Variants in PAG1 observed in about 807,000 individuals in gnomAD.
PAG1 encodes the protein phosphoprotein associated with glycosphingolipid-enriched microdomains 1.
PAG1 carries 23 observed loss-of-function variants against 31.7 expected under a neutral mutation model. That is an observed-to-expected ratio of 0.73 (90% CI 0.52 to 1.03). PAG1 has a LOEUF of 1.03. Ranked by LOEUF, PAG1 falls within the 50% of genes least tolerant of loss-of-function variation. The pLI is 0.00. For synonymous variants in PAG1, 214 were observed against 210.3 expected, an observed-to-expected ratio of 1.02 and a Z score of -0.15; for missense variants, 473 against 540.7, an observed-to-expected ratio of 0.87 and a Z score of 1.24.
chr8:81,072,828 G>C (rs1809116582), intron 1 of PAG1, among the ~76,000 whole-genome samples: 1 of 152,152 alleles, frequency 6.6e-6, no homozygotes, highest in African/African-American at 2.4e-5. Flanking sequence ...CATGTAAAAA[G>C]CACCTGTTGT....
intron 3 of PAG1, among the ~76,000 whole-genome samples, chr8:81,023,869 A>G (rs1808229299): frequency 6.6e-6 from 1 of 152,222 alleles, no homozygotes; most frequent in African/African-American, 2.4e-5. Flanking sequence ...CATTATCTAC[A>G]CCATGAAAAG....
intron 3 of PAG1, among the ~76,000 whole-genome samples, chr8:81,007,409 T>C (rs1327330349): frequency 2.7e-5 from 4 of 150,244 alleles, no homozygotes; most frequent in Non-Finnish European, 5.9e-5. Flanking sequence ...AGGTCAGGGG[T>C]TCGAGACCAG....
chr8:81,100,223 G>A (rs1397583717), intron 1 of PAG1, among the ~76,000 whole-genome samples: 1 of 152,168 alleles, frequency 6.6e-6, no homozygotes, highest in Non-Finnish European at 1.5e-5. Flanking sequence ...CAAAGACAGG[G>A]TATACCCCTG....
intron 3 of PAG1, among the ~76,000 whole-genome samples, chr8:81,001,666 A>G (rs1807786896): frequency 6.6e-6 from 1 of 152,164 alleles, no homozygotes; most frequent in African/African-American, 2.4e-5. Flanking sequence ...TCTGCCAGCT[A>G]CTTTACTGTG....
chr8:81,033,041 G>A (rs1201266187), intron 2 of PAG1, among the ~76,000 whole-genome samples: 1 of 152,168 alleles, frequency 6.6e-6, no homozygotes, highest in Non-Finnish European at 1.5e-5. Context: ...GTAGATTTGT[G>A]TTCCTTAGGG....
intron 2 of PAG1, among the ~76,000 whole-genome samples, chr8:81,050,500 A>G (rs1808710843): frequency 6.6e-6 from 1 of 152,192 alleles, no homozygotes; most frequent in South Asian, 2.1e-4. Context: ...CCACAATTTT[A>G]GTATAAAGTT....
chr8:80,987,197 G>A (rs772728609), intron 6 of PAG1, among the ~76,000 whole-genome samples, 173 bp downstream of exon 6: 9 of 152,200 alleles, frequency 5.9e-5, no homozygotes, highest in Non-Finnish European at 1.0e-4. Flanking sequence ...GCACACAGAA[G>A]TGGATTAATA....
rs568197228 is a variant in PAG1 at position 81,059,266 on chromosome 8, C to G, written c.-175+10846G>C. ...AGTTTGTACACATTCAGTACAGAGG[C>G]AAACATTCTTTTTTTTTTTTTCTTT... is the stretch of plus-strand genomic sequence containing the variant. On this transcript the variant is annotated intron_variant, in intron 2 of 8. Coordinates refer to ENST00000220597, the MANE Select transcript of PAG1 (RefSeq NM_018440.4). Among the ~76,000 whole-genome samples the G allele has an allele frequency of 9.4e-5, 12 of 128,140 alleles. No individual in the cohort carries two copies. In the South Asian group the frequency reaches 2.0e-3, roughly 21 times the overall value. 84.1% of individuals were successfully genotyped at this position (128,140 alleles called of 152,430 possible). A position where few individuals can be genotyped will look rare whatever the true frequency, so the allele number is the denominator to read the frequency against.
At chr8:80,997,958 T>C (rs532149929) in intron 3 of PAG1, among the ~76,000 whole-genome samples, 4 of 152,296 alleles carry the variant, frequency 2.6e-5, no homozygotes, top group African/African-American at 9.6e-5. Context: ...GGTCAGTGCT[T>C]ATGGTTAAAG....
intron 2 of PAG1, among the ~76,000 whole-genome samples, chr8:81,030,535 G>T (rs1287996115): frequency 2.0e-5 from 3 of 152,220 alleles, no homozygotes; most frequent in African/African-American, 7.2e-5. Flanking sequence ...CTGTGATTCA[G>T]TTCTGAAAAT....
At chr8:81,073,895 C>T (rs1809133173) in intron 1 of PAG1, among the ~76,000 whole-genome samples, 2 of 152,064 alleles carry the variant, frequency 1.3e-5, no homozygotes, top group Admixed American at 1.3e-4. Context: ...TAGCTGAGCA[C>T]AGACCTGAAG....
intron 3 of PAG1, among the ~76,000 whole-genome samples, chr8:81,020,834 C>CATA (rs1186115760): frequency 1.3e-5 from 2 of 152,162 alleles, no homozygotes; most frequent in Non-Finnish European, 2.9e-5. Flanking sequence ...GCCAAAATTT[C>CATA]ATCCTTAATA....
At chr8:80,984,026 T>C (rs1160466850) in intron 7 of PAG1, among the ~76,000 whole-genome samples, 1 of 152,242 alleles carries the variant, frequency 6.6e-6, no homozygotes, top group African/African-American at 2.4e-5. Flanking sequence ...TACTTGTCCT[T>C]CCTACTAAAA....
At chr8:81,070,901 A>C (rs904394901) in intron 1 of PAG1, among the ~76,000 whole-genome samples, 1 of 152,180 alleles carries the variant, frequency 6.6e-6, no homozygotes, top group African/African-American at 2.4e-5. Context: ...TAGACATCTG[A>C]AAATATGCTA....
intron 3 of PAG1, among the ~76,000 whole-genome samples, chr8:80,999,748 A>G (rs1445767194): frequency 6.6e-6 from 1 of 152,230 alleles, no homozygotes; most frequent in Non-Finnish European, 1.5e-5. Context: ...CAGAAATAAT[A>G]TAGTTTATTG....
chr8:81,018,135 G>A (rs1808103326), intron 3 of PAG1, among the ~76,000 whole-genome samples: 1 of 152,240 alleles, frequency 6.6e-6, no homozygotes, highest in South Asian at 2.1e-4. Context: ...CATTTGGCAA[G>A]GTCTCAACTG....
At chr8:81,052,832 C>T (rs936790124) in intron 2 of PAG1, among the ~76,000 whole-genome samples, 12 of 152,104 alleles carry the variant, frequency 7.9e-5, no homozygotes, top group African/African-American at 2.9e-4. Context: ...CTCTGTTGTT[C>T]TTGGAAAACA....
chr8:81,071,529 T>C (rs1370188721), intron 1 of PAG1, among the ~76,000 whole-genome samples: 1 of 152,188 alleles, frequency 6.6e-6, no homozygotes, highest in Non-Finnish European at 1.5e-5. Context: ...GGAGGATGCA[T>C]TTCAAGCTCT....
chr8:81,009,184 A>C (rs1185805572), intron 3 of PAG1, among the ~76,000 whole-genome samples: 1 of 152,150 alleles, frequency 6.6e-6, no homozygotes, highest in Middle Eastern at 3.2e-3. Context: ...TGCCTACACC[A>C]ATGCCAATTA....
Sources: gnomAD v4.1 joint callset for allele counts (sites outside exome capture counted in the v4.1 genomes callset) on GRCh38, gnomAD v4.1.1 for gene constraint, MANE v1.5 for transcripts, NCBI Gene and HGNC (gene_info 2026-07-23, HGNC 2026-07-21) for gene names.